The following NDUFS7 variants were observed in gnomAD, a reference collection of about 807,000 sequenced individuals.
NDUFS7 encodes NADH:ubiquinone oxidoreductase core subunit S7, also known as NADH dehydrogenase [ubiquinone] iron-sulfur protein 7, mitochondrial.
In NDUFS7, 11 loss-of-function variants were observed where a neutral mutation model predicts 31.1. That is an observed-to-expected ratio of 0.35 (90% CI 0.22 to 0.59). The LOEUF is 0.59. NDUFS7 is among the 20% of genes least tolerant of loss of function. The pLI is 0.79. For missense variants in NDUFS7, 263 were observed against 324.2 expected (o/e 0.81, Z 1.45); for synonymous variants, 136 against 127.9 (o/e 1.06, Z -0.43).
intron 1 of NDUFS7, among the ~76,000 whole-genome samples, chr19:1,385,218 T>G (rs1330684151): frequency 2.0e-5 from 3 of 152,164 alleles, no homozygotes; most frequent in African/African-American, 7.2e-5. Context: ...CCAGGCCCCT[T>G]GTTAAGAATG....
intron 1 of NDUFS7, among the ~76,000 whole-genome samples, chr19:1,387,534 G>A (rs1017455512): frequency 6.6e-6 from 1 of 152,256 alleles, no homozygotes; most frequent in Non-Finnish European, 1.5e-5. Flanking sequence ...CAGTGCGGGG[G>A]CCCTGGCGCA....
In NDUFS7 at chr19:1,395,518, G is replaced by C; in HGVS notation, c.*30G>C. 7.1e-6 allele frequency: 11 copies of C among 1,555,602 alleles called. No homozygotes were observed. The highest frequency in any genetic ancestry group is 9.6e-6 in the Non-Finnish European group (11 of 1,150,070). On this transcript the variant is annotated 3_prime_UTR_variant, in exon 8 of 8. Coordinates refer to ENST00000233627, the MANE Select transcript of NDUFS7 (RefSeq NM_024407.5). ...GCCGCCGCCGCCGCCGGAGCCTGTC[G>C]CCGTCCTGTCCCCAGCCTGCTTGTG...
chr19:1,384,158 T>G (rs1600143368), intron 1 of NDUFS7: 5 of 563,526 alleles, frequency 8.9e-6, no homozygotes, highest in Non-Finnish European at 1.2e-5. Context: ...CGAGGCCCGG[T>G]AGGTCATGAC....
chr19:1,388,766 C>T (rs574820199), intron 3 of NDUFS7, 67 bp from the exon 4 acceptor site: 1,010 of 1,509,380 alleles, frequency 6.7e-4, no homozygotes, highest in Non-Finnish European at 8.6e-4. Flanking sequence ...GCCGTGGGGG[C>T]TCGCATCCGC....
chr19:1,383,982 T>C (rs1300500475), intron 1 of NDUFS7, 40 bp downstream of exon 1: 2 of 1,546,204 alleles, frequency 1.3e-6, no homozygotes, highest in South Asian at 1.2e-5. Flanking sequence ...GCCGCGCGGG[T>C]CTGGGGCCGT....
intron 1 of NDUFS7, among the ~76,000 whole-genome samples, chr19:1,386,205 C>A (rs2082506436): frequency 6.6e-6 from 1 of 152,234 alleles, no homozygotes; most frequent in South Asian, 2.1e-4. Flanking sequence ...CCCCTGGAGG[C>A]TGCCCACAGC....
At chr19:1,389,278 C>T (rs754835233) in intron 4 of NDUFS7, 21 of 604,352 alleles carry the variant, frequency 3.5e-5, no homozygotes, top group South Asian at 2.9e-4. Context: ...CACACGCACA[C>T]TCGCACACAC....
Position 1,393,206 on chromosome 19 carries a change from C to T in NDUFS7, c.456-36C>T, listed in dbSNP as rs1043179655. 14 of 1,530,958 alleles carry T rather than the reference C, an allele frequency of 9.1e-6. No homozygotes were observed. In the Admixed American group the frequency reaches 2.7e-4, roughly 30 times the overall value. 94.8% of individuals were successfully genotyped at this position (1,530,958 alleles called of 1,614,324 possible). On this transcript the variant is annotated intron_variant, in intron 6 of 7. Coordinates refer to ENST00000233627, the MANE Select transcript of NDUFS7 (RefSeq NM_024407.5). This position sits in a 1 kb window ranked among gnomAD's most constrained non-coding sequence, Gnocchi z 7.3. ...GTGGAGGGAGGGTGGGCAGGCGGGT[C>T]TTCGGCACACTCCCCTCACGGTGCC... is the stretch of plus-strand genomic sequence containing the variant.
intron 7 of NDUFS7, 94 bp from the exon 8 acceptor site, chr19:1,395,297 C>CG (rs2082588947): frequency 1.3e-6 from 2 of 1,510,974 alleles, no homozygotes; most frequent in Non-Finnish European, 1.8e-6. Context: ...GAGGCCGGCC[C>CG]GGGAAACCCT....
intron 7 of NDUFS7, chr19:1,395,049 T>C: frequency 8.3e-7 from 1 of 1,208,382 alleles, no homozygotes; most frequent in Non-Finnish European, 1.0e-6. Context: ...TCCCCACTGC[T>C]AAGTGTGTCT....
At position 1,383,934 on chromosome 19, in the gene NDUFS7, T is replaced by C. The variant is rs760504194; in HGVS notation, c.8T>C (p.Val3Ala). 5 of 1,579,242 alleles carry C rather than the reference T, an allele frequency of 3.2e-6. No individual in the cohort carries two copies. The African/African-American group carries it at 4.1e-5, about 13-fold the overall frequency. MA[V>A]LSAPGLRGFR... is the part of the protein sequence containing the mutation. The stretch of plus-strand genomic sequence containing the variant: ...CTGAAGGCCGAGGCCAAGATGGCGG[T>C]GCTGTCAGGTGAGCGCGGCACCGGC... The change falls in exon 1 of 8, where the codon GTG becomes GCG. Residue 3 changes from valine (V) to alanine (A), a missense_variant. Coordinates refer to ENST00000233627, the MANE Select transcript of NDUFS7 (RefSeq NM_024407.5).
At chr19:1,389,754 G>C (rs528975128) in intron 4 of NDUFS7, 1 of 343,602 alleles carries the variant, frequency 2.9e-6, no homozygotes, top group African/African-American at 2.1e-5. Context: ...GCGACAGCCC[G>C]GGTTCAACAA....
chr19:1,384,846 C>T lies in NDUFS7; in HGVS notation c.16+904C>T, dbSNP rs771961870. Among the ~76,000 whole-genome samples, 3 of 152,202 alleles carry T rather than the reference C, an allele frequency of 2.0e-5. 1 individual carries two copies. Among genetic ancestry groups the T allele is most frequent in the Admixed American group, 1.3e-4 (2 of 15,286 alleles). ...TTATTTATTAAGACAGGGTCTGCCT[C>T]TGTCGCTCAGACTGGAGTGCAGTGG... On this transcript the variant is annotated intron_variant, in intron 1 of 7. Transcript: ENST00000233627.
chr19:1,395,162 C>A, intron 7 of NDUFS7: 1 of 1,413,820 alleles, frequency 7.1e-7, no homozygotes, highest in Non-Finnish European at 9.2e-7. Context: ...CCGGGATGAG[C>A]CACGGGTGGA....
chr19:1,392,635 C>T (rs1292322803), intron 6 of NDUFS7: 1 of 162,140 alleles, frequency 6.2e-6, no homozygotes, highest in African/African-American at 2.4e-5. Flanking sequence ...GTCCGAGCCT[C>T]GTGCCTTTTC....
chr19:1,391,348 GAAC>G (rs1385465877), intron 6 of NDUFS7, among the ~76,000 whole-genome samples, 183 bp downstream of exon 6: 5 of 152,132 alleles, frequency 3.3e-5, no homozygotes, highest in African/African-American at 1.2e-4. Flanking sequence ...CCTCTCCCCA[GAAC>G]GATTCCTCCC....
At chr19:1,394,673 C>T (rs1195673352) in intron 7 of NDUFS7, 23 of 1,220,068 alleles carry the variant, frequency 1.9e-5, no homozygotes, top group South Asian at 8.5e-5. Flanking sequence ...TCCCTCCCTG[C>T]GGACTGTGCT....
At chr19:1,385,243 G>A (rs1160410953) in intron 1 of NDUFS7, among the ~76,000 whole-genome samples, 1 of 152,202 alleles carries the variant, frequency 6.6e-6, no homozygotes, top group Non-Finnish European at 1.5e-5. Context: ...GCCCACGCGC[G>A]GTGGCTCACG....
In NDUFS7 at chr19:1,388,563, A is replaced by T; in HGVS notation, c.92A>T (p.His31Leu). 1 of 1,612,126 alleles carries T rather than the reference A, an allele frequency of 6.2e-7. No homozygotes were observed. Among genetic ancestry groups the T allele is most frequent in the East Asian group, 2.2e-5 (1 of 44,880 alleles). Residue 31 changes from histidine to leucine, a missense_variant, in exon 3 of 8, where the codon CAT (histidine) becomes CTT (leucine). Coordinates refer to ENST00000233627, the MANE Select transcript of NDUFS7 (RefSeq NM_024407.5). Reference protein sequence around the residue: ...VGPAVQARGVHQSVATDGPSS... With the variant: ...VGPAVQARGVLQSVATDGPSS... The stretch of plus-strand genomic sequence containing the variant: ...CCGGCTGTGCAGGCACGAGGTGTCC[A>T]TCAGAGCGTGGCCACCGATGGCCCA...
Sources: allele counts gnomAD v4.1 joint callset (sites outside exome capture counted in the v4.1 genomes callset), GRCh38; gene constraint gnomAD v4.1.1; non-coding constraint Gnocchi (gnomAD v3.1); transcripts MANE v1.5; gene names NCBI Gene and HGNC (gene_info 2026-07-23, HGNC 2026-07-21).